The following PPFIA2 variants were observed in gnomAD, a reference collection of about 807,000 sequenced individuals.
PPFIA2 encodes the protein PPFI scaffold protein A2.
A neutral mutation model predicts 175.5 loss-of-function variants in PPFIA2; 46 were observed. The ratio of observed to expected loss-of-function variants is 0.26; its 90% confidence interval spans 0.21 to 0.34. The LOEUF is 0.34. PPFIA2 is among the 10% of genes least tolerant of loss of function. The pLI is 1.00. For missense variants in PPFIA2, 1,179 were observed against 1,506.1 expected (o/e 0.78, Z 3.60); for synonymous variants, 568 against 511.4 (o/e 1.11, Z -1.49).
intron 4 of PPFIA2, among the ~76,000 whole-genome samples, chr12:81,652,659 C>CT (rs1331188145): frequency 6.6e-6 from 1 of 152,050 alleles, no homozygotes; most frequent in East Asian, 1.9e-4. Context: ...GTGTCCTTTA[C>CT]TGCACATTTT....
Position 81,333,020 on chromosome 12 carries a change from G to A in PPFIA2, c.2548+6160C>T, listed in dbSNP as rs143266871. Among the ~76,000 whole-genome samples the A allele has an allele frequency of 8.5e-5, 13 of 152,288 alleles. 1 individual carries two copies. The East Asian group carries it at 2.5e-3, about 29-fold the overall frequency. Reference sequence around the variant, plus strand: ...CCAGAGAAAAGACTTAAATGTTAGAGATTCATAGATTCAGTATTCCTAGGG... The same window carrying A: ...CCAGAGAAAAGACTTAAATGTTAGAAATTCATAGATTCAGTATTCCTAGGG... On this transcript the variant is annotated intron_variant, in intron 21 of 32. Coordinates refer to ENST00000549396, the MANE Select transcript of PPFIA2 (RefSeq NM_003625.5).
intron 4 of PPFIA2, among the ~76,000 whole-genome samples, chr12:81,543,797 A>G (rs143984720): frequency 2.0e-5 from 3 of 152,302 alleles, no homozygotes; most frequent in Non-Finnish European, 4.4e-5. Context: ...TACTCTTCAT[A>G]TGATGTGATG....
chr12:81,354,416 GATTCCATCTC>G (rs762289980), intron 16 of PPFIA2, among the ~76,000 whole-genome samples: 7 of 152,130 alleles, frequency 4.6e-5, no homozygotes, highest in Non-Finnish European at 8.8e-5. Flanking sequence ...ACTGGGAGTA[GATTCCATCTC>G]AAGAAACCAC....
At chr12:81,566,401 G>A (rs978517400) in intron 4 of PPFIA2, among the ~76,000 whole-genome samples, 2 of 151,950 alleles carry the variant, frequency 1.3e-5, no homozygotes, top group Non-Finnish European at 2.9e-5. Flanking sequence ...GTGGGTGCCT[G>A]TAGTCCCAGA....
At chr12:81,594,447 G>A (rs1054576938) in intron 4 of PPFIA2, among the ~76,000 whole-genome samples, 1 of 152,104 alleles carries the variant, frequency 6.6e-6, no homozygotes, top group African/African-American at 2.4e-5. Flanking sequence ...ATGGGCCCAG[G>A]AGATAAAATG....
At chr12:81,507,480 T>C (rs1160494339) in intron 4 of PPFIA2, among the ~76,000 whole-genome samples, 1 of 151,928 alleles carries the variant, frequency 6.6e-6, no homozygotes, top group East Asian at 1.9e-4. Context: ...CCTAAGTGAC[T>C]TTTTGTATCC....
At chr12:81,561,260 A>C (rs2070010951) in intron 4 of PPFIA2, among the ~76,000 whole-genome samples, 1 of 152,160 alleles carries the variant, frequency 6.6e-6, no homozygotes, top group African/African-American at 2.4e-5. Context: ...CCTTTCCCTT[A>C]TGATATTGCA....
chr12:81,526,316 G>A (rs146543248), intron 4 of PPFIA2, among the ~76,000 whole-genome samples: 1 of 152,150 alleles, frequency 6.6e-6, no homozygotes, highest in Non-Finnish European at 1.5e-5. Context: ...TGCTAATGCA[G>A]GCCAATTTGT....
At chr12:81,291,127 G>A (rs894166961) in intron 24 of PPFIA2, among the ~76,000 whole-genome samples, 16 of 151,750 alleles carry the variant, frequency 1.1e-4, no homozygotes, top group Non-Finnish European at 1.6e-4. Context: ...TTTCAATAGT[G>A]AAAAAATTAA....
At chr12:81,596,145 T>C (rs947154067) in intron 4 of PPFIA2, among the ~76,000 whole-genome samples, 3 of 152,098 alleles carry the variant, frequency 2.0e-5, no homozygotes, top group African/African-American at 7.2e-5. Context: ...AAGAAAATCA[T>C]TTAATTCTTT....
chr12:81,547,661 G>C (rs1016258601), intron 4 of PPFIA2, among the ~76,000 whole-genome samples: 6 of 152,066 alleles, frequency 3.9e-5, no homozygotes, highest in African/African-American at 1.4e-4. Flanking sequence ...CAAAGAGTTA[G>C]AGAAAAAACA....
chr12:81,415,703 C>CA (rs60269234), intron 7 of PPFIA2, among the ~76,000 whole-genome samples: 20,727 of 137,032 alleles, frequency 0.15, 1,986 homozygotes, highest in East Asian at 0.37. Context: ...ATTCCAATAG[C>CA]AAAAAAAAAA....
intron 4 of PPFIA2, among the ~76,000 whole-genome samples, chr12:81,667,910 G>T (rs1215461461): frequency 1.3e-5 from 2 of 151,976 alleles, no homozygotes; most frequent in Admixed American, 6.6e-5. Flanking sequence ...TGCTTCATAG[G>T]TCTTTCTTCT....
intron 3 of PPFIA2, among the ~76,000 whole-genome samples, chr12:81,717,833 AG>A (rs971967418): frequency 1.3e-5 from 2 of 151,598 alleles, no homozygotes; most frequent in Non-Finnish European, 1.5e-5. Context: ...TCTCAGGAGG[AG>A]GGGAATGGGG....
chr12:81,317,319 G>A (rs902560164), intron 22 of PPFIA2, among the ~76,000 whole-genome samples: 11 of 151,452 alleles, frequency 7.3e-5, no homozygotes, highest in African/African-American at 2.7e-4. Context: ...ACTACATAAA[G>A]CCATTTGAAA....
intron 7 of PPFIA2, among the ~76,000 whole-genome samples, chr12:81,410,411 T>A (rs186446700): frequency 5.8e-4 from 89 of 152,186 alleles, no homozygotes; most frequent in Admixed American, 2.0e-3. Flanking sequence ...CAAGGGCTGA[T>A]ACCCTTGCTG....
chr12:81,649,555 T>C (rs1321957507), intron 4 of PPFIA2, among the ~76,000 whole-genome samples: 1 of 152,212 alleles, frequency 6.6e-6, no homozygotes, highest in African/African-American at 2.4e-5. Context: ...GAAATTCTAC[T>C]TGTAGGTATC....
At chr12:81,386,531 C>T (rs973265770) in intron 8 of PPFIA2, among the ~76,000 whole-genome samples, 15 of 151,014 alleles carry the variant, frequency 9.9e-5, no homozygotes, top group Admixed American at 2.6e-4. Context: ...CAGAGGTGGG[C>T]GGGTTGCTTA....
chr12:81,647,073 G>A (rs1007563544), intron 4 of PPFIA2, among the ~76,000 whole-genome samples: 3 of 148,212 alleles, frequency 2.0e-5, no homozygotes, highest in African/African-American at 5.0e-5. Context: ...AAAGGGGGGG[G>A]GAGCGTGTAT....
Sources: gnomAD v4.1 joint callset for allele counts (sites outside exome capture counted in the v4.1 genomes callset) on GRCh38, gnomAD v4.1.1 for gene constraint, MANE v1.5 for transcripts, NCBI Gene and HGNC (gene_info 2026-07-23, HGNC 2026-07-21) for gene names.